Variants in XPR1 observed in about 807,000 individuals in gnomAD.
The protein encoded by XPR1 is xenotropic and polytropic retrovirus receptor 1, also known as solute carrier family 53 member 1.
A neutral mutation model predicts 87.5 loss-of-function variants in XPR1; 28 were observed. The observed-to-expected ratio is 0.32, with a 90% confidence interval of 0.24 to 0.44. The LOEUF (loss-of-function observed/expected upper bound fraction) is 0.44, where lower values mean the gene tolerates loss of function less well. Among genes scored for constraint, XPR1 ranks in the 20% least tolerant of loss-of-function variants. The pLI is 1.00. For synonymous variants in XPR1, 300 were observed against 306.1 expected, an observed-to-expected ratio of 0.98 and a Z score of 0.21; for missense variants, 559 against 862.3, an observed-to-expected ratio of 0.65 and a Z score of 4.41.
chr1:180,804,333 A>T (rs1649908956), intron 4 of XPR1, among the ~76,000 whole-genome samples: 2 of 152,218 alleles, frequency 1.3e-5, no homozygotes, highest in African/African-American at 2.4e-5. Flanking sequence ...AAGCTATCAG[A>T]TAGTTAATTT....
chr1:180,797,592 A>G (rs1411761002), intron 3 of XPR1, among the ~76,000 whole-genome samples: 5 of 152,232 alleles, frequency 3.3e-5, no homozygotes, highest in Admixed American at 2.6e-4. Flanking sequence ...CAATTAGCAA[A>G]TTTATATACT....
intron 11 of XPR1, among the ~76,000 whole-genome samples, chr1:180,848,975 G>A (rs1237896724): frequency 2.0e-5 from 3 of 152,122 alleles, no homozygotes; most frequent in Non-Finnish European, 4.4e-5. Flanking sequence ...AGGTGCCAAG[G>A]AGATGTTTGT....
intron 2 of XPR1, among the ~76,000 whole-genome samples, chr1:180,786,775 T>C (rs532195511): frequency 1.3e-5 from 2 of 152,318 alleles, no homozygotes; most frequent in East Asian, 1.9e-4. Flanking sequence ...GACAGACATA[T>C]GCTTTCCAGC....
At chr1:180,870,461 G>A (rs1225547406) in intron 12 of XPR1, among the ~76,000 whole-genome samples, 2 of 25,804 alleles carry the variant, frequency 7.8e-5, no homozygotes, top group East Asian at 1.4e-3. Context: ...AAGTCTCTTT[G>A]TAGGTCACTG....
At chr1:180,675,018 T>C (rs184578942) in intron 1 of XPR1, among the ~76,000 whole-genome samples, 37 of 152,332 alleles carry the variant, frequency 2.4e-4, no homozygotes, top group African/African-American at 8.9e-4. Flanking sequence ...TTTACTGTTA[T>C]ATGAGTTGTT....
At chr1:180,854,159 T>A (rs1266767205) in intron 11 of XPR1, among the ~76,000 whole-genome samples, 1 of 152,246 alleles carries the variant, frequency 6.6e-6, no homozygotes, top group African/African-American at 2.4e-5. Context: ...CTTTTTCACA[T>A]TCAACTTATT....
At chr1:180,632,293 G>A in intron 1 of XPR1, 23 bp downstream of exon 1, 1 of 1,603,714 alleles carries the variant, frequency 6.2e-7, no homozygotes, top group African/African-American at 1.3e-5. Flanking sequence ...CTGGGGTGTG[G>A]GAGGACTCGG....
chr1:180,826,747 T>C (rs1004088165), intron 9 of XPR1, among the ~76,000 whole-genome samples: 7 of 152,132 alleles, frequency 4.6e-5, no homozygotes, highest in Non-Finnish European at 1.0e-4. Context: ...AAAACTGCAG[T>C]TCCTATTGTT....
intron 2 of XPR1, among the ~76,000 whole-genome samples, chr1:180,714,651 T>C (rs1454721907): frequency 6.6e-6 from 1 of 152,134 alleles, no homozygotes; most frequent in Non-Finnish European, 1.5e-5. Flanking sequence ...GGGGTCCTCC[T>C]GCCTTGGCCG....
chr1:180,803,327 C>A, intron 3 of XPR1, 61 bp from the exon 4 acceptor site: 1 of 1,475,670 alleles, frequency 6.8e-7, no homozygotes, highest in Non-Finnish European at 9.2e-7. Context: ...ATTAAAAATT[C>A]AGAAGTCAGT....
At position 180,632,155 on chromosome 1, in the gene XPR1, C is replaced by T. The variant is rs781015863; in HGVS notation, c.-47C>T. On this transcript the variant is annotated 5_prime_UTR_variant, in exon 1 of 15. Transcript: ENST00000367590. ...GAGTCGGAGTCGCTGTTGCCGCCGC[C>T]GCCTGTAGCTGCTGGACCCGAGTGG... is the stretch of plus-strand genomic sequence containing the variant. 3.7e-5 allele frequency: 58 copies of T among 1,579,202 alleles called. No homozygotes were observed. The highest frequency in any genetic ancestry group is 5.0e-5 in the Non-Finnish European group (58 of 1,163,376).
Position 180,825,323 on chromosome 1 carries a change from G to A in XPR1, c.1113G>A (p.Arg371=). The A allele has an allele frequency of 6.2e-7, 1 of 1,613,142 alleles. No homozygotes were observed. The highest frequency in any genetic ancestry group is 8.5e-7 in the Non-Finnish European group (1 of 1,179,726). Residue 371 remains arginine, a synonymous_variant, in exon 9 of 15, where the codon CGG becomes CGA. Coordinates refer to ENST00000367590, the MANE Select transcript of XPR1 (RefSeq NM_004736.4). ...CCAAAACTTTCTACTATAAATCCCG[G>A]TTTTGGCTGCTTAAACTGCTGGTAA... ...NPTKTFYYKS[R]FWLLKLLFRV...
intron 2 of XPR1, among the ~76,000 whole-genome samples, chr1:180,693,865 AC>A (rs1271907524): frequency 1.3e-5 from 2 of 152,246 alleles, no homozygotes. Flanking sequence ...CAATAAGATC[AC>A]ATCACAGATT....
intron 1 of XPR1, among the ~76,000 whole-genome samples, chr1:180,656,405 T>A (rs185308417): frequency 0.058 from 2,763 of 47,342 alleles, 151 homozygotes; most frequent in East Asian, 0.14. Flanking sequence ...ATATAAATAT[T>A]TATATATTTA....
At chr1:180,776,231 A>G (rs897321126) in intron 2 of XPR1, among the ~76,000 whole-genome samples, 3 of 152,152 alleles carry the variant, frequency 2.0e-5, no homozygotes, top group Non-Finnish European at 4.4e-5. Context: ...GAAAATACAT[A>G]GGCATTCAAA....
chr1:180,731,946 A>G (rs2102011886), intron 2 of XPR1, among the ~76,000 whole-genome samples: 1 of 152,272 alleles, frequency 6.6e-6, no homozygotes, highest in East Asian at 1.9e-4. Context: ...TAATCCCAGC[A>G]CTTTGGGAGA....
intron 11 of XPR1, among the ~76,000 whole-genome samples, chr1:180,838,555 A>G (rs1379901818): frequency 1.3e-5 from 2 of 152,214 alleles, no homozygotes; most frequent in Non-Finnish European, 2.9e-5. Context: ...TTGTGGGCTT[A>G]AGACATTTCT....
intron 2 of XPR1, among the ~76,000 whole-genome samples, chr1:180,689,984 C>T (rs544724137): frequency 3.3e-5 from 5 of 152,086 alleles, no homozygotes; most frequent in Admixed American, 6.6e-5. Context: ...GGTGAAATCA[C>T]GTCTCTACTA....
chr1:180,727,067 G>T (rs1658380338), intron 2 of XPR1, among the ~76,000 whole-genome samples: 1 of 151,954 alleles, frequency 6.6e-6, no homozygotes, highest in Non-Finnish European at 1.5e-5. Flanking sequence ...AGTAGAGACG[G>T]GGTTTCACCA....
Sources: allele counts gnomAD v4.1 joint callset (sites outside exome capture counted in the v4.1 genomes callset), GRCh38; gene constraint gnomAD v4.1.1; transcripts MANE v1.5; gene names NCBI Gene and HGNC (gene_info 2026-07-23, HGNC 2026-07-21).